ZNF195: variants seen among roughly 807,000 people sequenced by gnomAD.
The protein encoded by ZNF195 is zinc finger protein 195, also known as hypoxia-regulated factor-1.
A neutral mutation model predicts 19.5 loss-of-function variants in ZNF195; 11 were observed. The ratio of observed to expected loss-of-function variants is 0.57; its 90% CI spans 0.36 to 0.94. The LOEUF (loss-of-function observed/expected upper bound fraction) is 0.94. ZNF195 is among the 40% of genes least tolerant of loss of function. The pLI is 0.01. For missense variants in ZNF195, 582 were observed against 709.0 expected, an observed-to-expected ratio of 0.82 and a Z score of 2.03; for synonymous variants, 214 against 248.1, an observed-to-expected ratio of 0.86 and a Z score of 1.29.
chr11:3,359,874 T>C lies in ZNF195; in HGVS notation c.1134A>G (p.Gly378=), dbSNP rs760460673. Residue 378 remains glycine (G), a synonymous_variant, in exon 6 of 6, where the codon GGA becomes GGG. Coordinates refer to ENST00000399602, the MANE Select transcript of ZNF195 (RefSeq NM_001130520.3). The surrounding 1 kb of genome is among the most constrained non-coding windows in gnomAD (Gnocchi z 5.5). ...SLSNQQMILA[G]EKLSKCETWY... is the part of the protein sequence containing the mutation. ...ATGTTTCACATTTGGAGAGCTTCTC[T>C]CCAGCAAGAATCATCTGTTGATTAG... 87 of 1,614,056 alleles carry C rather than the reference T, an allele frequency of 5.4e-5. No individual in the cohort carries two copies. In the Middle Eastern group the frequency reaches 6.6e-4, roughly 12 times the overall value.
At position 3,360,797 on chromosome 11, in the gene ZNF195, C is replaced by T; in HGVS notation, c.374-9G>A. 3.9e-6 allele frequency: 6 copies of T among 1,550,302 alleles called. No individual in the cohort carries two copies. The highest frequency in any genetic ancestry group is 2.4e-5 in the South Asian group (2 of 83,824). On this transcript the variant is annotated splice_polypyrimidine_tract_variant and intron_variant, in intron 4 of 5. Coordinates refer to ENST00000399602, the MANE Select transcript of ZNF195 (RefSeq NM_001130520.3). ...CCCAGGTGAGCACAGTGCTAGGAGC[C>T]AGATAAGAAGAAAAACAGTCTGTTA...
chr11:3,377,619 CT>C, intron 1 of ZNF195: 1 of 1,227,502 alleles, frequency 8.1e-7, no homozygotes, highest in Non-Finnish European at 1.1e-6. Context: ...GTGGTTACCT[CT>C]TTAGAGGAAG....
intron 1 of ZNF195, among the ~76,000 whole-genome samples, chr11:3,378,232 C>A (rs553415298): frequency 6.6e-6 from 1 of 152,162 alleles, no homozygotes; most frequent in Non-Finnish European, 1.5e-5. Flanking sequence ...ATTGATTGAA[C>A]CCGGGAGGCA....
chr11:3,371,259 G>C (rs1849195032), intron 2 of ZNF195, 189 bp from the exon 3 acceptor site: 2 of 667,126 alleles, frequency 3.0e-6, no homozygotes, highest in African/African-American at 1.8e-5. Context: ...TCACCACTCA[G>C]TACTGCTGAC....
intron 1 of ZNF195, among the ~76,000 whole-genome samples, 191 bp from the exon 2 acceptor site, chr11:3,371,894 T>C (rs1434455479): frequency 6.6e-6 from 1 of 152,232 alleles, no homozygotes; most frequent in Non-Finnish European, 1.5e-5. Context: ...ACAATACTTT[T>C]CTGGTTGATA....
intron 1 of ZNF195, among the ~76,000 whole-genome samples, chr11:3,375,978 T>TACC (rs1849442220): frequency 6.6e-6 from 1 of 152,230 alleles, no homozygotes; most frequent in Non-Finnish European, 1.5e-5. Flanking sequence ...TGATAGTTGC[T>TACC]ACCTTCTCCC....
At chr11:3,364,172 T>C (rs571909245) in intron 3 of ZNF195, among the ~76,000 whole-genome samples, 1 of 152,280 alleles carries the variant, frequency 6.6e-6, no homozygotes, top group Non-Finnish European at 1.5e-5. Flanking sequence ...CAAGAAATGC[T>C]AAAGGTTGGG....
At chr11:3,362,106 T>G (rs1848664413) in intron 3 of ZNF195, 1 of 369,612 alleles carries the variant, frequency 2.7e-6, no homozygotes, top group Non-Finnish European at 5.5e-6. Context: ...TGAGATAGTC[T>G]AATTGCTGAA....
At chr11:3,371,275 A>C in intron 2 of ZNF195, 1 of 658,116 alleles carries the variant, frequency 1.5e-6, no homozygotes, top group Non-Finnish European at 2.5e-6. Flanking sequence ...CTGACATAAA[A>C]AATTGGTGGT....
chr11:3,364,579 G>T (rs1589805861), intron 3 of ZNF195, among the ~76,000 whole-genome samples: 1 of 152,214 alleles, frequency 6.6e-6, no homozygotes. Context: ...CAATGAAGTT[G>T]TGAGATTAAA....
chr11:3,376,333 G>GAA (rs897208883), intron 1 of ZNF195, among the ~76,000 whole-genome samples: 3 of 137,108 alleles, frequency 2.2e-5, no homozygotes, highest in East Asian at 2.1e-4. Context: ...GCTGATAACT[G>GAA]AAAAAAAAAA....
chr11:3,373,263 T>A (rs1234139494), intron 1 of ZNF195, among the ~76,000 whole-genome samples: 1 of 152,046 alleles, frequency 6.6e-6, no homozygotes, highest in African/African-American at 2.4e-5. Flanking sequence ...ACCCACCCCA[T>A]CCTCAAGAGG....
chr11:3,371,441 A>G, intron 2 of ZNF195, 136 bp downstream of exon 2: 1 of 1,142,264 alleles, frequency 8.8e-7, no homozygotes, highest in Non-Finnish European at 1.2e-6. Flanking sequence ...TACATCAACT[A>G]TTCCCCATGT....
Position 3,370,966 on chromosome 11 carries a change from C to G in ZNF195, c.226+9G>C, listed in dbSNP as rs759004408. The G allele has an allele frequency of 6.2e-7, 1 of 1,613,842 alleles. No homozygotes were observed. Among genetic ancestry groups the G allele is most frequent in the Non-Finnish European group, 8.5e-7 (1 of 1,179,760 alleles). ...ACCTGGGTTACCTGCTTCGTTCATT[C>G]CCACCCACCTGGATGTCCGTCTGCT... On this transcript the variant is annotated intron_variant, in intron 3 of 5. Coordinates refer to ENST00000399602, the MANE Select transcript of ZNF195 (RefSeq NM_001130520.3).
intron 4 of ZNF195, among the ~76,000 whole-genome samples, chr11:3,361,323 A>C (rs1206680931): frequency 6.6e-6 from 1 of 152,240 alleles, no homozygotes; most frequent in Non-Finnish European, 1.5e-5. Flanking sequence ...CAAAGATGAC[A>C]TGTACAAAGT....
chr11:3,371,018 C>A lies in ZNF195; in HGVS notation c.183G>T (p.Glu61Asp). ...CCTCCTGTCTCTTCACATTCCAGGG[C>A]TCTTTTCGTTGCTCCAGGCAGGTGA... ...GLITCLEQRK[E>D]PWNVKRQEAA... Residue 61 changes from glutamate (E) to aspartate (D), a missense_variant, in exon 3 of 6, where the codon GAG becomes GAT. By Grantham distance (45) the Glu-to-Asp change is conservative (BLOSUM62 2). Coordinates refer to ENST00000399602, the MANE Select transcript of ZNF195 (RefSeq NM_001130520.3). 1 of 1,614,176 alleles carries A rather than the reference C, an allele frequency of 6.2e-7. No individual in the cohort carries two copies. The highest frequency in any genetic ancestry group is 2.2e-5 in the East Asian group (1 of 44,886).
chr11:3,367,001 G>A (rs1848921259), intron 3 of ZNF195: 1 of 451,184 alleles, frequency 2.2e-6, no homozygotes, highest in South Asian at 1.6e-5. Context: ...GGAAGCAGAG[G>A]TTGCAGTGAG....
intron 1 of ZNF195, chr11:3,377,923 G>C (rs576689992): frequency 1.0e-6 from 1 of 986,132 alleles, no homozygotes; most frequent in East Asian, 1.1e-4. Flanking sequence ...AAAAGGAGGA[G>C]AGGCACAAAG....
At chr11:3,361,414 T>G (rs1848628109) in intron 4 of ZNF195, among the ~76,000 whole-genome samples, 1 of 152,044 alleles carries the variant, frequency 6.6e-6, no homozygotes, top group African/African-American at 2.4e-5. Flanking sequence ...ATAAATTAAC[T>G]GAAGAAAATA....
Sources: allele counts gnomAD v4.1 joint callset (sites outside exome capture counted in the v4.1 genomes callset), GRCh38; gene constraint gnomAD v4.1.1; non-coding constraint Gnocchi (gnomAD v3.1); transcripts MANE v1.5; gene names NCBI Gene and HGNC (gene_info 2026-07-23, HGNC 2026-07-21).